The following GLYAT variants were observed in gnomAD, a reference collection of about 807,000 sequenced individuals.
The protein encoded by GLYAT is glycine N-acyltransferase.
GLYAT carries 25 observed loss-of-function variants against 22.8 expected under a neutral mutation model. The observed-to-expected ratio is 1.09, with a 90% CI of 0.80 to 1.53. GLYAT has a LOEUF of 1.53. Among genes scored for constraint, GLYAT ranks in the 40% most tolerant of loss-of-function variants. GLYAT has a pLI of 0.00. For missense variants in GLYAT, 411 were observed against 353.9 expected (o/e 1.16, Z -1.29); for synonymous variants, 140 against 122.7 (o/e 1.14, Z -0.93).
intron 1 of GLYAT, among the ~76,000 whole-genome samples, chr11:58,724,760 A>AT (rs1167936731): frequency 2.6e-5 from 4 of 152,094 alleles, no homozygotes; most frequent in Non-Finnish European, 5.9e-5. Context: ...TAAAAAGTAC[A>AT]TTTTTAAATA....
intron 5 of GLYAT, 30 bp from the exon 6 acceptor site, chr11:58,710,198 C>T: frequency 6.3e-7 from 1 of 1,581,696 alleles, no homozygotes; most frequent in Non-Finnish European, 8.6e-7. Flanking sequence ...AAAACAAAAT[C>T]CATTAGTATA....
Position 58,724,357 on chromosome 11 carries a change from CCCT to C in GLYAT, c.81+56_81+58del, listed in dbSNP as rs1856788684. The C allele has an allele frequency of 2.6e-5, 23 of 886,906 alleles. No homozygotes were observed. In the South Asian group the frequency reaches 3.3e-4, roughly 13 times the overall value. 54.9% of individuals were successfully genotyped at this position (886,906 alleles called of 1,614,324 possible). On this transcript the variant is annotated intron_variant, in intron 2 of 5. Transcript: ENST00000344743. The stretch of plus-strand genomic sequence containing the variant: ...GTGCATCATAAATATCAGTCCCTTT[CCCT>C]CCTCTTTCACATCAAGTTTGTCTTC...
chr11:58,728,600 A>T (rs1448916870), intron 1 of GLYAT: 1 of 152,074 alleles, frequency 6.6e-6, no homozygotes. Context: ...TGCAGAAAGA[A>T]CTATGATCTC....
At position 58,715,303 on chromosome 11, in the gene GLYAT, C is replaced by A; in HGVS notation, c.189+13G>T. ...ATATAAATATAGAAGAATATTCACA[C>A]ATGGAAACTTACCTGCTCCTGAGGG... On this transcript the variant is annotated intron_variant, in intron 3 of 5. Transcript: ENST00000344743. 8.6e-7 allele frequency: 1 copy of A among 1,163,166 alleles called. No individual in the cohort carries two copies. The highest frequency in any genetic ancestry group is 1.3e-6 in the Non-Finnish European group (1 of 771,556). The allele number at this position is 1,163,166 out of a possible 1,614,324, so 72.1% of individuals were successfully genotyped here. A position where few individuals can be genotyped will look rare whatever the true frequency, so the allele number is the denominator to read the frequency against.
intron 4 of GLYAT, among the ~76,000 whole-genome samples, chr11:58,712,138 T>C (rs552293295): frequency 2.0e-5 from 3 of 152,352 alleles, no homozygotes; most frequent in African/African-American, 7.2e-5. Context: ...AAATGGTTGA[T>C]TCACAGAATT....
intron 1 of GLYAT, among the ~76,000 whole-genome samples, chr11:58,729,234 A>G (rs1856847305): frequency 2.6e-5 from 4 of 152,126 alleles, no homozygotes; most frequent in Admixed American, 2.6e-4. Flanking sequence ...TCTGCCTTCT[A>G]AATTAGGCTT....
chr11:58,715,009 C>G (rs1053910339), intron 3 of GLYAT, among the ~76,000 whole-genome samples: 1 of 151,922 alleles, frequency 6.6e-6, no homozygotes, highest in African/African-American at 2.4e-5. Flanking sequence ...CTACAAAATC[C>G]AGTTCAGATG....
intron 2 of GLYAT, among the ~76,000 whole-genome samples, chr11:58,719,310 T>C (rs1330138643): frequency 6.6e-6 from 1 of 152,000 alleles, no homozygotes; most frequent in African/African-American, 2.4e-5. Context: ...AGCATGAAGC[T>C]AATTACATTT....
At chr11:58,724,633 C>T (rs1476626835) in intron 1 of GLYAT, 122 bp from the exon 2 acceptor site, 5 of 433,372 alleles carry the variant, frequency 1.2e-5, no homozygotes, top group Non-Finnish European at 2.0e-5. Context: ...AACTGCAGTC[C>T]TCAGCAAATC....
chr11:58,724,512 C>T lies in GLYAT; in HGVS notation c.-15-1G>A. On this transcript the variant is annotated splice_acceptor_variant, in intron 1 of 5. Transcript: ENST00000344743. LOFTEE classifies it low-confidence loss of function (5UTR_SPLICE). The stretch of plus-strand genomic sequence containing the variant: ...GTAACATCATGGAGGATACCTTAGC[C>T]TAGAAAGACAACCAAGGAACATACA... 6.5e-7 allele frequency: 1 copy of T among 1,528,144 alleles called. No individual in the cohort carries two copies. The highest frequency in any genetic ancestry group is 2.3e-5 in the East Asian group (1 of 44,102). The allele number at this position is 1,528,144 out of a possible 1,614,324, so 94.7% of individuals were successfully genotyped here.
In GLYAT at chr11:58,709,615, T is replaced by G. The variant is rs1163089865; in HGVS notation, c.*151A>C. The G allele has an allele frequency of 9.4e-6, 7 of 742,974 alleles. No homozygotes were observed. The highest frequency in any genetic ancestry group is 1.5e-5 in the Non-Finnish European group (7 of 466,356). The allele number at this position is 742,974 out of a possible 1,614,324, so 46.0% of individuals were successfully genotyped here. A position where few individuals can be genotyped will look rare whatever the true frequency, so the allele number is the denominator to read the frequency against. On this transcript the variant is annotated 3_prime_UTR_variant, in exon 6 of 6. Transcript: ENST00000344743. ...CCTGTGAATGCAGGGACCATGGCGA[T>G]GCTGTTGAACATCACACTGCTTCCC...
chr11:58,728,874 G>GAA (rs1247070247), intron 1 of GLYAT: 1 of 108,688 alleles, frequency 9.2e-6, no homozygotes, highest in African/African-American at 3.8e-5. Flanking sequence ...AAGAAAGAAA[G>GAA]AAAGAAAGAA....
At chr11:58,728,885 A>AGAAAGAAG (rs1483431126) in intron 1 of GLYAT, among the ~76,000 whole-genome samples, 3 of 121,584 alleles carry the variant, frequency 2.5e-5, no homozygotes, top group Admixed American at 8.1e-5. Flanking sequence ...AAAGAAAGAA[A>AGAAAGAAG]GAAAGAAGGA....
Position 58,722,729 on chromosome 11 carries a change from A to G in GLYAT, c.81+1687T>C, listed in dbSNP as rs139450650. On this transcript the variant is annotated intron_variant, in intron 2 of 5. Coordinates refer to ENST00000344743, the MANE Select transcript of GLYAT (RefSeq NM_201648.3). ...GGGGCCCAAGATATTTTCCTTTCACACTAGTGAACAGAACATAGCGAGGCA... is the reference window on the plus strand; with the variant it reads ...GGGGCCCAAGATATTTTCCTTTCACGCTAGTGAACAGAACATAGCGAGGCA... Among the ~76,000 whole-genome samples the G allele has an allele frequency of 5.1e-3, 770 of 152,210 alleles. 9 individuals are homozygous for G. The highest frequency in any genetic ancestry group is 0.018 in the African/African-American group (737 of 41,556).
Position 58,731,933 on chromosome 11 carries a change from T to A in GLYAT, c.-114A>T, listed in dbSNP as rs1039162617. The A allele has an allele frequency of 5.3e-5, 8 of 151,988 alleles. No homozygotes were observed. The highest frequency in any genetic ancestry group is 1.9e-4 in the African/African-American group (8 of 41,372). 9.4% of individuals were successfully genotyped at this position (151,988 alleles called of 1,614,324 possible). On this transcript the variant is annotated 5_prime_UTR_variant, in exon 1 of 6. Coordinates refer to ENST00000344743, the MANE Select transcript of GLYAT (RefSeq NM_201648.3). ...CCCTGATGCAGCCAGTTCAGCAGAGTCTCGCAGAGTAAATTTTGATACACC... is the reference window on the plus strand; with the variant it reads ...CCCTGATGCAGCCAGTTCAGCAGAGACTCGCAGAGTAAATTTTGATACACC...
intron 1 of GLYAT, among the ~76,000 whole-genome samples, chr11:58,726,741 A>G (rs1856814819): frequency 6.6e-6 from 1 of 152,162 alleles, no homozygotes. Context: ...ATGACCTTGA[A>G]GGTCTTGCAG....
chr11:58,715,327 G>A lies in GLYAT; in HGVS notation c.178C>T (p.Pro60Ser), dbSNP rs1282876168. Reference sequence around the variant, plus strand: ...ACATGGAAACTTACCTGCTCCTGAGGGCAGACAACCACTGTATTAAAATCA... The same window carrying A: ...ACATGGAAACTTACCTGCTCCTGAGAGCAGACAACCACTGTATTAAAATCA... ...WPDFNTVVVC[P>S]QEQDMTDDLD... Residue 60 changes from proline to serine, a missense_variant, in exon 3 of 6, where the codon CCT (proline) becomes TCT (serine). Transcript: ENST00000344743. The A allele has an allele frequency of 2.0e-6, 3 of 1,492,434 alleles. No homozygotes were observed. The highest frequency in any genetic ancestry group is 2.3e-5 in the East Asian group (1 of 44,258). 92.4% of individuals were successfully genotyped at this position (1,492,434 alleles called of 1,614,324 possible).
chr11:58,720,985 T>A (rs1856742298), intron 2 of GLYAT, among the ~76,000 whole-genome samples: 1 of 152,060 alleles, frequency 6.6e-6, no homozygotes, highest in African/African-American at 2.4e-5. Flanking sequence ...CTTTTCTTTT[T>A]TAGTATCGCA....
intron 4 of GLYAT, among the ~76,000 whole-genome samples, chr11:58,711,941 A>G (rs1053498364): frequency 6.6e-6 from 1 of 152,218 alleles, no homozygotes; most frequent in African/African-American, 2.4e-5. Flanking sequence ...CCAGCCTGCT[A>G]GCGACACATG....
Sources: allele counts gnomAD v4.1 joint callset (sites outside exome capture counted in the v4.1 genomes callset), GRCh38; gene constraint gnomAD v4.1.1; transcripts MANE v1.5; gene names NCBI Gene and HGNC (gene_info 2026-07-23, HGNC 2026-07-21).